Variants in FAM174B observed in about 807,000 individuals in gnomAD.
FAM174B encodes membrane protein FAM174B.
A neutral mutation model predicts 10.9 loss-of-function variants in FAM174B; 12 were observed. The ratio of observed to expected loss-of-function variants is 1.10; its 90% confidence interval spans 0.71 to 1.79. The LOEUF (loss-of-function observed/expected upper bound fraction) is 1.79. Ranked by LOEUF, FAM174B falls within the 40% of genes most tolerant of loss-of-function variation. The probability of loss-of-function intolerance (pLI) is 0.00; values close to 1 mark genes in which losing one functional copy is unlikely to be tolerated. For missense variants in FAM174B, 266 were observed against 233.3 expected (o/e 1.14, Z -0.91); for synonymous variants, 132 against 115.8 (o/e 1.14, Z -0.90).
chr15:92,643,343 A>AGTGTGTGT (rs1309760071), intron 1 of FAM174B, among the ~76,000 whole-genome samples: 49 of 17,902 alleles, frequency 2.7e-3, no homozygotes, highest in Admixed American at 0.013. Flanking sequence ...ATAGGGAAGG[A>AGTGTGTGT]ATGTGTGTGT....
rs2050696313 is a variant in FAM174B at position 92,618,717 on chromosome 15, ATCACACACGTGCACAC to A, written c.*723_*738del. 1 of 154,256 alleles carries A rather than the reference ATCACACACGTGCACAC, an allele frequency of 6.5e-6. No individual in the cohort carries two copies. Among genetic ancestry groups the A allele is most frequent in the Non-Finnish European group, 1.4e-5 (1 of 70,278 alleles). 9.6% of individuals were successfully genotyped at this position (154,256 alleles called of 1,614,324 possible). A position where few individuals can be genotyped will look rare whatever the true frequency, so the allele number is the denominator to read the frequency against. On this transcript the variant is annotated 3_prime_UTR_variant, in exon 3 of 3. Coordinates refer to ENST00000327355, the MANE Select transcript of FAM174B (RefSeq NM_207446.3). ...GAGAAGGAGAAACTGTTTTATAGGT[ATCACACACGTGCACAC>A]GCACACACGTGCACACACACACACA...
chr15:92,645,102 T>A (rs1376143148), intron 1 of FAM174B, among the ~76,000 whole-genome samples: 1 of 152,234 alleles, frequency 6.6e-6, no homozygotes, highest in Non-Finnish European at 1.5e-5. Context: ...GAGTGATATT[T>A]AGTAACTCAG....
chr15:92,655,732 C>A lies in FAM174B; in HGVS notation c.-73G>T. ...TCCAGGATCCGCACCAGCACGGAGG[C>A]CTGCACCGGGGGATCCTGCGGCGGA... On this transcript the variant is annotated 5_prime_UTR_variant, in exon 1 of 3. Coordinates refer to ENST00000327355, the MANE Select transcript of FAM174B (RefSeq NM_207446.3). 1 of 1,169,652 alleles carries A rather than the reference C, an allele frequency of 8.5e-7. No individual in the cohort carries two copies. The highest frequency in any genetic ancestry group is 1.1e-6 in the Non-Finnish European group (1 of 939,116). The allele number at this position is 1,169,652 out of a possible 1,614,324, so 72.5% of individuals were successfully genotyped here.
At position 92,655,429 on chromosome 15, in the gene FAM174B, C is replaced by T. The variant is rs201961583; in HGVS notation, c.231G>A (p.Leu77=). Residue 77 remains leucine, a synonymous_variant, in exon 1 of 3, where the codon TTG becomes TTA. Transcript: ENST00000327355. The part of the protein sequence containing the change: ...SSSSNSSGDA[L]VTRISILLRD... ...GGAGGAGGATGGAAATGCGGGTCAC[C>T]AAGGCGTCGCCACTGCTGTTGGAGC... 1.4e-5 allele frequency: 22 copies of T among 1,578,356 alleles called. No individual in the cohort carries two copies. The African/African-American group carries it at 2.4e-4, about 17-fold the overall frequency.
intron 1 of FAM174B, among the ~76,000 whole-genome samples, chr15:92,632,359 A>G (rs1401056751): frequency 6.6e-6 from 1 of 152,196 alleles, no homozygotes; most frequent in South Asian, 2.1e-4. Flanking sequence ...CCTGGCTAAC[A>G]TGGTGAAACC....
At chr15:92,635,151 C>T (rs1207473340) in intron 1 of FAM174B, among the ~76,000 whole-genome samples, 4 of 103,632 alleles carry the variant, frequency 3.9e-5, no homozygotes, top group African/African-American at 7.1e-5. Flanking sequence ...CTTTCGCTCA[C>T]TATCTCTCCA....
intron 2 of FAM174B, among the ~76,000 whole-genome samples, chr15:92,620,291 G>A (rs1406518098): frequency 6.6e-6 from 1 of 152,348 alleles, no homozygotes; most frequent in East Asian, 1.9e-4. Context: ...AAGGTCAGGA[G>A]ATCGCGACCA....
intron 1 of FAM174B, among the ~76,000 whole-genome samples, chr15:92,643,229 AG>A (rs1264427855): frequency 6.6e-6 from 1 of 151,978 alleles, no homozygotes; most frequent in Non-Finnish European, 1.5e-5. Flanking sequence ...TGGCCCCCAA[AG>A]TGCTAGGATT....
chr15:92,654,863 G>A (rs1459922306), intron 1 of FAM174B, among the ~76,000 whole-genome samples: 1 of 152,012 alleles, frequency 6.6e-6, no homozygotes, highest in African/African-American at 2.4e-5. Context: ...TGGTAGAAGG[G>A]AGAGGGAGTA....
rs980628395 is a variant in FAM174B, at chr15:92,655,524, G to A, written c.136C>T (p.Pro46Ser). 1 of 1,490,720 alleles carries A rather than the reference G, an allele frequency of 6.7e-7. No homozygotes were observed. The highest frequency in any genetic ancestry group is 8.9e-7 in the Non-Finnish European group (1 of 1,120,592). The allele number at this position is 1,490,720 out of a possible 1,614,324, so 92.3% of individuals were successfully genotyped here. Residue 46 changes from proline (P) to serine (S), a missense_variant, in exon 1 of 3, where the codon CCG (proline) becomes TCG (serine). By Grantham distance (74) the Pro-to-Ser change is moderately conservative. Transcript: ENST00000327355. ...WPEPERESRP[P>S]PGPGPGNTTR... ...GTGTTCCCGGGCCCCGGGCCGGGCGGTGGCCGCGACTCGCGCTCGGGTTCG... is the reference window on the plus strand; with the variant it reads ...GTGTTCCCGGGCCCCGGGCCGGGCGATGGCCGCGACTCGCGCTCGGGTTCG...
chr15:92,645,344 G>A (rs2050919413), intron 1 of FAM174B, among the ~76,000 whole-genome samples: 1 of 152,194 alleles, frequency 6.6e-6, no homozygotes, highest in African/African-American at 2.4e-5. Flanking sequence ...GTGCCCCTGG[G>A]GGCTTACGCT....
At chr15:92,633,435 G>T (rs2050832254) in intron 1 of FAM174B, among the ~76,000 whole-genome samples, 1 of 152,182 alleles carries the variant, frequency 6.6e-6, no homozygotes, top group South Asian at 2.1e-4. Context: ...CACTTCTCAT[G>T]GTTCCTTGGG....
chr15:92,637,178 T>C (rs1596299647), intron 1 of FAM174B, among the ~76,000 whole-genome samples: 1 of 152,284 alleles, frequency 6.6e-6, no homozygotes, highest in African/African-American at 2.4e-5. Context: ...AGCAGGGCAG[T>C]GGGCAGGGGA....
rs1486017573 is a variant in FAM174B at position 92,619,218 on chromosome 15, T to C, written c.*238A>G. On this transcript the variant is annotated 3_prime_UTR_variant, in exon 3 of 3. Coordinates refer to ENST00000327355, the MANE Select transcript of FAM174B (RefSeq NM_207446.3). The stretch of plus-strand genomic sequence containing the variant: ...CATGGGGAGTAGAAGTAGGGGGCAC[T>C]TTAAAGGGATGCCCAAAGGGTGGCA... 1 of 703,876 alleles carries C rather than the reference T, an allele frequency of 1.4e-6. No homozygotes were observed. Among genetic ancestry groups the C allele is most frequent in the East Asian group, 2.7e-5 (1 of 37,294 alleles). The allele number at this position is 703,876 out of a possible 1,614,324, so 43.6% of individuals were successfully genotyped here. A position where few individuals can be genotyped will look rare whatever the true frequency, so the allele number is the denominator to read the frequency against.
intron 2 of FAM174B, among the ~76,000 whole-genome samples, chr15:92,625,684 A>C (rs2050747945): frequency 6.6e-6 from 1 of 152,246 alleles, no homozygotes; most frequent in South Asian, 2.1e-4. Flanking sequence ...ACAAAGTTTC[A>C]CATCTATATA....
chr15:92,634,085 A>T (rs1452534521), intron 1 of FAM174B, among the ~76,000 whole-genome samples: 1 of 152,224 alleles, frequency 6.6e-6, no homozygotes, highest in Non-Finnish European at 1.5e-5. Flanking sequence ...GGCTTCTGCA[A>T]AGGGACAAGG....
chr15:92,629,942 G>A (rs1338991278), intron 2 of FAM174B, among the ~76,000 whole-genome samples: 1 of 152,072 alleles, frequency 6.6e-6, no homozygotes, highest in Non-Finnish European at 1.5e-5. Context: ...GCTCCTCCTT[G>A]CCTTCCACCA....
intron 1 of FAM174B, among the ~76,000 whole-genome samples, chr15:92,641,452 C>G (rs2050891108): frequency 6.6e-6 from 1 of 152,176 alleles, no homozygotes; most frequent in Non-Finnish European, 1.5e-5. Flanking sequence ...TATGTTACAT[C>G]CATATAATGA....
In FAM174B at chr15:92,630,866, CATATTAT is replaced by C. The variant is rs201547938; in HGVS notation, c.345-528_345-522del. On this transcript the variant is annotated intron_variant, in intron 1 of 2. Coordinates refer to ENST00000327355, the MANE Select transcript of FAM174B (RefSeq NM_207446.3). ...ATTACATATTACATGTTACATATTA[CATATTAT>C]ATATTATATATTACGTATTACATAT... 2.6e-3 allele frequency among the ~76,000 whole-genome samples: 138 copies of C among 52,594 alleles called. 5 individuals are homozygous for C. The highest frequency in any genetic ancestry group is 5.3e-3 in the Admixed American group (24 of 4,542). 34.5% of individuals were successfully genotyped at this position (52,594 alleles called of 152,430 possible). A position where few individuals can be genotyped will look rare whatever the true frequency, so the allele number is the denominator to read the frequency against.
Sources: gnomAD v4.1 joint callset for allele counts (sites outside exome capture counted in the v4.1 genomes callset) on GRCh38, gnomAD v4.1.1 for gene constraint, MANE v1.5 for transcripts, NCBI Gene and HGNC (gene_info 2026-07-23, HGNC 2026-07-21) for gene names.